The following PHF2 variants were observed in gnomAD, a reference collection of about 807,000 sequenced individuals.
PHF2 encodes lysine-specific demethylase PHF2.
A neutral mutation model predicts 120.5 loss-of-function variants in PHF2; 27 were observed. That is an observed-to-expected ratio of 0.22 (90% CI 0.17 to 0.31). The LOEUF (loss-of-function observed/expected upper bound fraction) is 0.31. Among genes scored for constraint, PHF2 ranks in the 10% least tolerant of loss-of-function variants. The pLI is 1.00. For missense variants in PHF2, 1,024 were observed against 1,434.8 expected, an observed-to-expected ratio of 0.71 and a Z score of 4.63; for synonymous variants, 568 against 592.5, an observed-to-expected ratio of 0.96 and a Z score of 0.60.
intron 1 of PHF2, among the ~76,000 whole-genome samples, chr9:93,583,904 C>T (rs1337821025): frequency 6.6e-6 from 1 of 150,528 alleles, no homozygotes; most frequent in East Asian, 1.9e-4. Context: ...TCTCAGCTCA[C>T]CACAACCTCT....
intron 7 of PHF2, 21 bp from the exon 8 acceptor site, chr9:93,655,913 C>G: frequency 6.3e-7 from 1 of 1,591,700 alleles, no homozygotes; most frequent in Non-Finnish European, 8.6e-7. Flanking sequence ...GGGGCACCAG[C>G]CACTCCTGTC....
chr9:93,674,117 A>G (rs1286196244), intron 18 of PHF2, among the ~76,000 whole-genome samples: 1 of 151,778 alleles, frequency 6.6e-6, no homozygotes, highest in African/African-American at 2.4e-5. Flanking sequence ...AGCAAAGTGA[A>G]CTCCTGTTTT....
At chr9:93,665,211 T>G (rs758692106) in intron 14 of PHF2, among the ~76,000 whole-genome samples, 85 of 152,322 alleles carry the variant, frequency 5.6e-4, no homozygotes, top group Non-Finnish European at 1.0e-3. Context: ...ACCAGGAAAC[T>G]TGGGTCCTTT....
intron 5 of PHF2, 81 bp downstream of exon 5, chr9:93,649,293 C>A: frequency 8.3e-7 from 1 of 1,207,048 alleles, no homozygotes. Flanking sequence ...GCCTGAGAAG[C>A]ACAGGTCGAA....
intron 5 of PHF2, among the ~76,000 whole-genome samples, chr9:93,652,085 C>T (rs192090090): frequency 2.1e-4 from 32 of 152,130 alleles, no homozygotes; most frequent in East Asian, 9.7e-4. Flanking sequence ...GGGATTGGGG[C>T]GGCAGGACTC....
Position 93,656,147 on chromosome 9 carries a change from C to T in PHF2, c.1040+126C>T, listed in dbSNP as rs1035965644. On this transcript the variant is annotated intron_variant, in intron 8 of 21. Transcript: ENST00000359246. This position sits in a 1 kb window ranked among gnomAD's most constrained non-coding sequence, Gnocchi z 4.1. ...CGCCTGTGGGTGGCCTGGACATGAC[C>T]GTCAGCCTCGGTGGGCCTCTTTGTG... 6 of 735,616 alleles carry T rather than the reference C, an allele frequency of 8.2e-6. No homozygotes were observed. The highest frequency in any genetic ancestry group is 6.9e-5 in the South Asian group (4 of 58,148). The allele number at this position is 735,616 out of a possible 1,614,324, so 45.6% of individuals were successfully genotyped here.
At chr9:93,590,807 G>A (rs903924495) in intron 1 of PHF2, among the ~76,000 whole-genome samples, 16 of 152,320 alleles carry the variant, frequency 1.1e-4, no homozygotes, top group African/African-American at 2.9e-4. Flanking sequence ...TGGTCCTCAC[G>A]TCTCCTCAGC....
In PHF2 at chr9:93,676,684, G is replaced by A. The variant is rs1191275356; in HGVS notation, c.2923G>A (p.Gly975Ser). ...TTCCACCTCCACCTCCATCTCTGCC[G>A]GCACCACCTCCACCTCCACCACGCC... ...SPSTSTSISA[G>S]TTSTSTTPAS... Residue 975 changes from glycine to serine, a missense_variant, in exon 21 of 22, where the codon GGC (glycine) becomes AGC (serine). Transcript: ENST00000359246. 1.3e-5 allele frequency: 20 copies of A among 1,574,384 alleles called. No homozygotes were observed. The highest frequency in any genetic ancestry group is 4.6e-5 in the South Asian group (4 of 86,698).
intron 1 of PHF2, among the ~76,000 whole-genome samples, chr9:93,622,139 G>C (rs1161438923): frequency 6.6e-6 from 1 of 152,176 alleles, no homozygotes; most frequent in Non-Finnish European, 1.5e-5. Flanking sequence ...TCACAGGGAG[G>C]GGTGAGGCCT....
rs756410471 is a variant in PHF2, at chr9:93,656,554, C to T, written c.1106C>T (p.Ala369Val). 3.5e-5 allele frequency: 56 copies of T among 1,613,672 alleles called. No homozygotes were observed. The highest frequency in any genetic ancestry group is 4.0e-5 in the Non-Finnish European group (47 of 1,179,874). ...ACTCAGTTTCCCAACTTTGAAACTGCGTGCTGGTACATGGGGAAGCACCTG... is the reference window on the plus strand; with the variant it reads ...ACTCAGTTTCCCAACTTTGAAACTGTGTGCTGGTACATGGGGAAGCACCTG... ...SLTQFPNFET[A>V]CWYMGKHLLE... The change falls in exon 9 of 22, where the codon GCG (alanine) becomes GTG (valine). Residue 369 changes from alanine (A) to valine (V), a missense_variant. By Grantham distance (64) the Ala-to-Val change is moderately conservative. Coordinates refer to ENST00000359246, the MANE Select transcript of PHF2 (RefSeq NM_005392.4). This position sits in a 1 kb window ranked among gnomAD's most constrained non-coding sequence, Gnocchi z 4.1.
rs145952198 is a variant in PHF2 at position 93,613,170 on chromosome 9, T to A, written c.99-16800T>A. On this transcript the variant is annotated intron_variant, in intron 1 of 21. Transcript: ENST00000359246. ...TCAGGTGGCTCTGCTCTGTATGTGA[T>A]TCCCATCAGTCGTGTTTGGGGTTTT... Among the ~76,000 whole-genome samples the A allele has an allele frequency of 5.3e-4, 80 of 152,372 alleles. 2 individuals carry two copies. The East Asian group carries it at 0.014, about 27-fold the overall frequency.
chr9:93,639,901 G>A (rs1372370362), intron 3 of PHF2, among the ~76,000 whole-genome samples: 2 of 152,224 alleles, frequency 1.3e-5, no homozygotes, highest in Non-Finnish European at 2.9e-5. Context: ...TCTGAGCTCT[G>A]AATGTGAATG....
intron 1 of PHF2, among the ~76,000 whole-genome samples, chr9:93,604,328 C>T (rs1375233161): frequency 2.0e-5 from 3 of 146,442 alleles, no homozygotes; most frequent in Non-Finnish European, 4.5e-5. Flanking sequence ...TTAAATTTAG[C>T]GAGACTTCTT....
Position 93,679,015 on chromosome 9 carries a change from T to TA in PHF2, c.*1341dup, listed in dbSNP as rs1450464116. 1.8e-5 allele frequency: 6 copies of TA among 332,580 alleles called. No individual in the cohort carries two copies. The highest frequency in any genetic ancestry group is 3.5e-5 in the Non-Finnish European group (6 of 171,980). 20.6% of individuals were successfully genotyped at this position (332,580 alleles called of 1,614,324 possible). A position where few individuals can be genotyped will look rare whatever the true frequency, so the allele number is the denominator to read the frequency against. ...CATTTTGAAGATGAATCTTCAACTT[T>TA]AATACCAGCTCTTTGTTTTCCTTGT... On this transcript the variant is annotated 3_prime_UTR_variant, in exon 22 of 22. Transcript: ENST00000359246.
intron 1 of PHF2, among the ~76,000 whole-genome samples, chr9:93,589,012 C>T (rs544160185): frequency 2.0e-5 from 3 of 152,292 alleles, no homozygotes; most frequent in African/African-American, 2.4e-5. Context: ...CTTGAAGGGC[C>T]ATCCTTTACT....
In PHF2 at chr9:93,654,584, G is replaced by A. The variant is rs182338593; in HGVS notation, c.952+9G>A. 3.2e-4 allele frequency: 508 copies of A among 1,610,710 alleles called. 1 individual carries two copies. Among genetic ancestry groups the A allele is most frequent in the East Asian group, 5.4e-4 (24 of 44,782 alleles). ...CCTCTTCATCCCCTCAGGTGAGTGC[G>A]GGCAGCTTTGGGGACCATGTACTAG... is the stretch of plus-strand genomic sequence containing the variant. On this transcript the variant is annotated intron_variant, in intron 7 of 21. Coordinates refer to ENST00000359246, the MANE Select transcript of PHF2 (RefSeq NM_005392.4).
chr9:93,670,935 T>G, intron 17 of PHF2: 1 of 916,340 alleles, frequency 1.1e-6, no homozygotes, highest in Non-Finnish European at 1.3e-6. Flanking sequence ...GGAGTCTGTG[T>G]GGAGCCTGCC....
chr9:93,657,157 C>G (rs1007876485), intron 9 of PHF2, among the ~76,000 whole-genome samples: 1 of 152,138 alleles, frequency 6.6e-6, no homozygotes, highest in African/African-American at 2.4e-5. Flanking sequence ...GTCCAGGCCT[C>G]CAGACTGCCC....
intron 1 of PHF2, among the ~76,000 whole-genome samples, chr9:93,611,656 G>A (rs1054247580): frequency 6.6e-6 from 1 of 152,078 alleles, no homozygotes; most frequent in Admixed American, 6.6e-5. Flanking sequence ...GACTACAGGT[G>A]TATGCTACTA....
Sources: gnomAD v4.1 joint callset for allele counts (sites outside exome capture counted in the v4.1 genomes callset) on GRCh38, gnomAD v4.1.1 for gene constraint, Gnocchi (gnomAD v3.1) non-coding constraint, MANE v1.5 for transcripts, NCBI Gene and HGNC (gene_info 2026-07-23, HGNC 2026-07-21) for gene names.